Variants in PPFIBP2 observed in about 807,000 individuals in gnomAD.
PPFIBP2 encodes the protein PPFIB scaffold protein 2, also known as liprin-beta-2.
A neutral mutation model predicts 118.3 loss-of-function variants in PPFIBP2; 118 were observed. The ratio of observed to expected loss-of-function variants is 1.00; its 90% CI spans 0.86 to 1.16. PPFIBP2 has a LOEUF of 1.16. Ranked by LOEUF, PPFIBP2 falls within the 50% of genes most tolerant of loss-of-function variation. The pLI, the probability that PPFIBP2 is intolerant of heterozygous loss-of-function variation, is 0.00. For missense variants in PPFIBP2, 1,195 were observed against 1,073.1 expected (o/e 1.11, Z -1.59); for synonymous variants, 414 against 397.4 (o/e 1.04, Z -0.50).
At chr11:7,621,146 T>C (rs1849304557) in intron 7 of PPFIBP2, 119 bp downstream of exon 7, 2 of 734,496 alleles carry the variant, frequency 2.7e-6, no homozygotes, top group Non-Finnish European at 2.4e-6. Flanking sequence ...CCCTCCAGTG[T>C]GGACACACAG....
In PPFIBP2 at chr11:7,637,013, G is replaced by A. The variant is rs566796962; in HGVS notation, c.1236+1420G>A. 5.9e-5 allele frequency among the ~76,000 whole-genome samples: 9 copies of A among 152,288 alleles called. No individual in the cohort carries two copies. In the East Asian group the frequency reaches 7.7e-4, roughly 13 times the overall value. On this transcript the variant is annotated intron_variant, in intron 14 of 23. Transcript: ENST00000299492. ...ACATCCTTTGTATTCTTTTGCAGCT[G>A]TGTGAGCTTCTCTAAAATGTGCATC...
chr11:7,657,548 T>C (rs1324811375), downstream of PPFIBP2, among the ~76,000 whole-genome samples: 1 of 152,172 alleles, frequency 6.6e-6, no homozygotes, highest in Non-Finnish European at 1.5e-5. Context: ...CTCCCCCAAG[T>C]GGAAGGCCCT....
chr11:7,560,136 A>G (rs73409092), intron 2 of PPFIBP2, among the ~76,000 whole-genome samples: 8,454 of 152,202 alleles, frequency 0.056, 770 homozygotes, highest in African/African-American at 0.19. Context: ...CACTAATGCA[A>G]TTATAGAGCG....
At chr11:7,539,161 C>T (rs767243332) in intron 1 of PPFIBP2, 2 of 152,308 alleles carry the variant, frequency 1.3e-5, no homozygotes, top group Non-Finnish European at 2.9e-5. Flanking sequence ...TATTAGACTC[C>T]GATATTCACT....
At chr11:7,594,326 T>G (rs1384639066) in intron 4 of PPFIBP2, among the ~76,000 whole-genome samples, 1 of 152,184 alleles carries the variant, frequency 6.6e-6, no homozygotes, top group Non-Finnish European at 1.5e-5. Context: ...ATACCAAATA[T>G]ATAGTTTTAC....
rs78113801 is a variant in PPFIBP2, at chr11:7,653,152, C to T, written c.2565C>T (p.Tyr855=). The T allele has an allele frequency of 6.2e-7, 1 of 1,612,816 alleles. No homozygotes were observed. The highest frequency in any genetic ancestry group is 8.5e-7 in the Non-Finnish European group (1 of 1,179,892). Residue 855 remains tyrosine (Y), a synonymous_variant, in exon 24 of 24, where the codon TAC becomes TAT. Coordinates refer to ENST00000299492, the MANE Select transcript of PPFIBP2 (RefSeq NM_003621.5). ...VSDSHRVYSG[Y]RGLSPLDAPE... is the part of the protein sequence containing the mutation. ...ATAGTCACAGGGTCTACAGTGGCTA[C>T]CGGGGCCTCAGCCCCCTTGATGCCC...
At position 7,623,065 on chromosome 11, in the gene PPFIBP2, A is replaced by G. The variant is rs557136279; in HGVS notation, c.711+2038A>G. Among the ~76,000 whole-genome samples the G allele has an allele frequency of 3.9e-4, 59 of 152,292 alleles. No homozygotes were observed. The South Asian group carries it at 0.012, about 30-fold the overall frequency. On this transcript the variant is annotated intron_variant, in intron 7 of 23. Transcript: ENST00000299492. ...TTTTTTTATTCTCACTTGACTGGGAAGGAAACAGAGGCTCAGCGTGGCCAA... is the reference window on the plus strand; with the variant it reads ...TTTTTTTATTCTCACTTGACTGGGAGGGAAACAGAGGCTCAGCGTGGCCAA...
chr11:7,635,393 C>T (rs982021379), intron 13 of PPFIBP2, among the ~76,000 whole-genome samples, 159 bp from the exon 14 acceptor site: 1 of 152,188 alleles, frequency 6.6e-6, no homozygotes, highest in East Asian at 1.9e-4. Flanking sequence ...GGACAGGGAT[C>T]TTTCCTGCCC....
At chr11:7,664,336 G>C in the PPFIBP2 span, among the ~76,000 whole-genome samples, 1 of 152,176 alleles carries the variant, frequency 6.6e-6, no homozygotes, top group Non-Finnish European at 1.5e-5. Context: ...ACAACCTAGG[G>C]ATTGCCAAAA....
chr11:7,630,622 C>G (rs994276093), intron 10 of PPFIBP2, among the ~76,000 whole-genome samples: 1 of 152,190 alleles, frequency 6.6e-6, no homozygotes, highest in Non-Finnish European at 1.5e-5. Context: ...TCACAGCCAT[C>G]TTTTTAAGAT....
intron 3 of PPFIBP2, among the ~76,000 whole-genome samples, chr11:7,591,340 C>T (rs1047162486): frequency 6.6e-6 from 1 of 151,760 alleles, no homozygotes; most frequent in African/African-American, 2.4e-5. Flanking sequence ...GACTTCGGCA[C>T]TGGGGTTCTA....
At chr11:7,603,098 A>G (rs1565038847) in intron 5 of PPFIBP2, among the ~76,000 whole-genome samples, 1 of 152,204 alleles carries the variant, frequency 6.6e-6, no homozygotes, top group East Asian at 1.9e-4. Flanking sequence ...TTCTATCTCA[A>G]AGAGAATATT....
Position 7,610,421 on chromosome 11 carries a change from A to T in PPFIBP2, c.617A>T (p.Glu206Val). 1 of 1,613,442 alleles carries T rather than the reference A, an allele frequency of 6.2e-7. No individual in the cohort carries two copies. The highest frequency in any genetic ancestry group is 8.5e-7 in the Non-Finnish European group (1 of 1,179,916). The part of the protein sequence containing the change: ...REQEEKQRKA[E>V]ELLQELRHLK... ...CAGGAGGAGAAGCAGAGAAAAGCAG[A>T]GGTAAGGGTGAGTGTGTACTGTCCT... is the stretch of plus-strand genomic sequence containing the variant. Residue 206 changes from glutamate (E) to valine (V), a missense_variant and splice_region_variant, in exon 6 of 24, where the codon GAG becomes GTG. Glu to Val is a moderately radical substitution (Grantham distance 121). Coordinates refer to ENST00000299492, the MANE Select transcript of PPFIBP2 (RefSeq NM_003621.5).
At chr11:7,623,640 A>G (rs746950180) in intron 7 of PPFIBP2, among the ~76,000 whole-genome samples, 3 of 152,174 alleles carry the variant, frequency 2.0e-5, no homozygotes, top group Non-Finnish European at 4.4e-5. Context: ...GCCACGTGCT[A>G]GATTCTCTCT....
chr11:7,601,087 C>T (rs950090773), intron 5 of PPFIBP2, among the ~76,000 whole-genome samples: 1 of 152,202 alleles, frequency 6.6e-6, no homozygotes, highest in African/African-American at 2.4e-5. Flanking sequence ...CCCCATTGAG[C>T]TGTCTCTCTC....
chr11:7,543,838 C>G (rs976177688), intron 1 of PPFIBP2, among the ~76,000 whole-genome samples: 8 of 152,184 alleles, frequency 5.3e-5, no homozygotes, highest in African/African-American at 1.9e-4. Context: ...TCAATTGTGA[C>G]TCACTTTCTA....
intron 10 of PPFIBP2, among the ~76,000 whole-genome samples, chr11:7,629,829 C>T (rs981840655): frequency 3.9e-5 from 6 of 152,310 alleles, no homozygotes; most frequent in African/African-American, 1.2e-4. Flanking sequence ...TCCCAGGACA[C>T]GCCTTAGAGG....
chr11:7,597,981 C>G (rs1860696549), intron 5 of PPFIBP2: 2 of 272,536 alleles, frequency 7.3e-6, no homozygotes, highest in Non-Finnish European at 1.4e-5. Context: ...GGGCCTCACC[C>G]TCATCCTGTG....
chr11:7,585,078 G>A (rs1473337989), intron 3 of PPFIBP2, among the ~76,000 whole-genome samples: 2 of 152,196 alleles, frequency 1.3e-5, no homozygotes, highest in Admixed American at 6.5e-5. Flanking sequence ...AAATCTCAGC[G>A]TATTTACAGG....
Sources: gnomAD v4.1 joint callset for allele counts (sites outside exome capture counted in the v4.1 genomes callset) on GRCh38, gnomAD v4.1.1 for gene constraint, MANE v1.5 for transcripts, NCBI Gene and HGNC (gene_info 2026-07-23, HGNC 2026-07-21) for gene names.